ITPK1: variants seen among roughly 807,000 people sequenced by gnomAD.
The protein encoded by ITPK1 is inositol 1,3,4-trisphosphate 5/6-kinase.
In ITPK1, 21 loss-of-function variants were observed where a neutral mutation model predicts 45.3. The ratio of observed to expected loss-of-function variants is 0.46; its 90% CI spans 0.33 to 0.67. The LOEUF (loss-of-function observed/expected upper bound fraction) is 0.67, where lower values mean the gene tolerates loss of function less well. Among genes scored for constraint, ITPK1 ranks in the 30% least tolerant of loss-of-function variants. The pLI is 0.02. For missense variants in ITPK1, 474 were observed against 573.5 expected, an observed-to-expected ratio of 0.83 and a Z score of 1.77; for synonymous variants, 258 against 253.6, an observed-to-expected ratio of 1.02 and a Z score of -0.16.
rs1246285351 is a variant in ITPK1, at chr14:93,014,374, G to C, written c.246+2302C>G. 6.6e-6 allele frequency among the ~76,000 whole-genome samples: 1 copy of C among 152,188 alleles called. No homozygotes were observed. The highest frequency in any genetic ancestry group is 1.5e-5 in the Non-Finnish European group (1 of 68,034). On this transcript the variant is annotated intron_variant, in intron 4 of 10. Transcript: ENST00000267615. The surrounding 1 kb of genome is among the most constrained non-coding windows in gnomAD (Gnocchi z 4.4). The stretch of plus-strand genomic sequence containing the variant: ...TGGGCTGTGGGCTGTGTGTGTGTCT[G>C]GGAAGTGGGCAAGAGGGATAAGAGC...
Position 93,107,070 on chromosome 14 carries a change from GC to G in ITPK1, c.95+7998del, listed in dbSNP as rs565655711. Among the ~76,000 whole-genome samples the G allele has an allele frequency of 2.0e-3, 309 of 152,186 alleles. 3 individuals carry two copies. Among genetic ancestry groups the G allele is most frequent in the African/African-American group, 7.2e-3 (297 of 41,506 alleles). On this transcript the variant is annotated intron_variant, in intron 2 of 10. Coordinates refer to ENST00000267615, the MANE Select transcript of ITPK1 (RefSeq NM_014216.6). ...CCTCCCGAGCTCAAGCAATTCTCCT[GC>G]CTCAGCGTCCCAAGTAGCTGGGATA...
chr14:93,110,422 G>T (rs1424604283), intron 2 of ITPK1, among the ~76,000 whole-genome samples: 1 of 152,200 alleles, frequency 6.6e-6, no homozygotes, highest in East Asian at 1.9e-4. Context: ...CTTCCTCCCT[G>T]CAGAGAATCT....
At chr14:92,992,808 C>T (rs1245350997) in intron 5 of ITPK1, among the ~76,000 whole-genome samples, 2 of 152,354 alleles carry the variant, frequency 1.3e-5, no homozygotes, top group African/African-American at 4.8e-5. Flanking sequence ...TGCTGCGTGA[C>T]GTGGCATGTC....
In ITPK1 at chr14:92,962,836, G is replaced by A; in HGVS notation, c.378C>T (p.Cys126=). 1 of 1,613,058 alleles carries A rather than the reference G, an allele frequency of 6.2e-7. No homozygotes were observed. The highest frequency in any genetic ancestry group is 8.5e-7 in the Non-Finnish European group (1 of 1,179,296). The change falls in exon 6 of 11, where the codon TGC becomes TGT. Residue 126 remains cysteine, a synonymous_variant. Transcript: ENST00000267615. The part of the protein sequence containing the change: ...IEAYMEDDRI[C]SPPFMELTSL... ...TCGTGAGCTCCATGAAGGGTGGCGA[G>A]CAGATCCTGTCGTCTAGGGCAGAAG...
At position 93,014,376 on chromosome 14, in the gene ITPK1, G is replaced by C. The variant is rs1428608129; in HGVS notation, c.246+2300C>G. On this transcript the variant is annotated intron_variant, in intron 4 of 10. Transcript: ENST00000267615. The surrounding 1 kb of genome is among the most constrained non-coding windows in gnomAD (Gnocchi z 4.4). ...GGCTGTGGGCTGTGTGTGTGTCTGG[G>C]AAGTGGGCAAGAGGGATAAGAGCTT... Among the ~76,000 whole-genome samples, 1 of 152,216 alleles carries C rather than the reference G, an allele frequency of 6.6e-6. No homozygotes were observed. The highest frequency in any genetic ancestry group is 2.4e-5 in the African/African-American group (1 of 41,452).
intron 3 of ITPK1, chr14:93,066,144 C>T (rs1428304795): frequency 2.5e-6 from 1 of 397,306 alleles, no homozygotes; most frequent in Admixed American, 3.0e-5. Context: ...GGCCTGGCCA[C>T]ATCCTGTGTA....
intron 3 of ITPK1, among the ~76,000 whole-genome samples, chr14:93,046,902 CATG>C (rs1889802863): frequency 6.6e-6 from 1 of 152,226 alleles, no homozygotes; most frequent in Non-Finnish European, 1.5e-5. Flanking sequence ...ATCTGAGGCC[CATG>C]CTCCAGCCCA....
At chr14:93,023,581 CAAAG>C (rs1297812840) in intron 3 of ITPK1, among the ~76,000 whole-genome samples, 8 of 151,968 alleles carry the variant, frequency 5.3e-5, no homozygotes, top group Admixed American at 3.3e-4. Flanking sequence ...TTTGTTGAAA[CAAAG>C]GAAGGATGGA....
rs1891514394 is a variant in ITPK1 at position 93,083,274 on chromosome 14, G to A, written c.96-6655C>T. 2.6e-5 allele frequency among the ~76,000 whole-genome samples: 4 copies of A among 152,218 alleles called. No homozygotes were observed. In the East Asian group the frequency reaches 7.7e-4, roughly 29 times the overall value. On this transcript the variant is annotated intron_variant, in intron 2 of 10. Coordinates refer to ENST00000267615, the MANE Select transcript of ITPK1 (RefSeq NM_014216.6). ...GCAGGCCTGCCACACAGCACAGCAGGGCACAAAAGGCTCAGGGACCATGAC... is the reference window on the plus strand; with the variant it reads ...GCAGGCCTGCCACACAGCACAGCAGAGCACAAAAGGCTCAGGGACCATGAC...
intron 3 of ITPK1, among the ~76,000 whole-genome samples, chr14:93,041,537 C>T (rs1009922653): frequency 2.0e-5 from 3 of 152,228 alleles, no homozygotes; most frequent in Admixed American, 6.5e-5. Flanking sequence ...GCTCAGAAAC[C>T]GGGCCTCTGC....
intron 5 of ITPK1, among the ~76,000 whole-genome samples, chr14:92,989,352 G>C (rs75346669): frequency 0.067 from 10,220 of 152,112 alleles, 418 homozygotes; most frequent in East Asian, 0.2. Flanking sequence ...AGAAGAACAG[G>C]AGAGCCACCC....
chr14:93,084,648 CCT>C (rs1156790315), intron 2 of ITPK1, among the ~76,000 whole-genome samples: 1 of 152,234 alleles, frequency 6.6e-6, no homozygotes, highest in Non-Finnish European at 1.5e-5. Context: ...CAGCTTGTGC[CCT>C]GTGTCCACAG....
intron 5 of ITPK1, among the ~76,000 whole-genome samples, chr14:92,989,789 G>A (rs929853496): frequency 1.3e-5 from 2 of 152,160 alleles, no homozygotes; most frequent in Non-Finnish European, 1.5e-5. Flanking sequence ...TAGGGGGTGC[G>A]GGTGTGGGGA....
intron 4 of ITPK1, among the ~76,000 whole-genome samples, chr14:93,008,691 G>T (rs1471894379): frequency 6.6e-6 from 1 of 152,238 alleles, no homozygotes; most frequent in Admixed American, 6.5e-5. Context: ...TTTATTACAT[G>T]AAGACAAAGG....
At position 93,080,297 on chromosome 14, in the gene ITPK1, G is replaced by A. The variant is rs75020847; in HGVS notation, c.96-3678C>T. On this transcript the variant is annotated intron_variant, in intron 2 of 10. Coordinates refer to ENST00000267615, the MANE Select transcript of ITPK1 (RefSeq NM_014216.6). ...AAGGGCAAGGGCAGCTGGGGTGGCC[G>A]AGGGACTTCCTTTTCACTGTGTCCC... is the stretch of plus-strand genomic sequence containing the variant. Among the ~76,000 whole-genome samples, 1,327 of 152,322 alleles carry A rather than the reference G, an allele frequency of 8.7e-3. 19 individuals are homozygous for A. Among genetic ancestry groups the A allele is most frequent in the Admixed American group, 0.029 (451 of 15,304 alleles).
intron 4 of ITPK1, among the ~76,000 whole-genome samples, chr14:92,995,788 G>A (rs1306302937): frequency 4.6e-5 from 7 of 152,322 alleles, no homozygotes; most frequent in Non-Finnish European, 8.8e-5. Flanking sequence ...CAAGTCTGCC[G>A]CCCACATGGA....
At chr14:93,109,598 A>G (rs1292973491) in intron 2 of ITPK1, among the ~76,000 whole-genome samples, 1 of 152,236 alleles carries the variant, frequency 6.6e-6, no homozygotes, top group Non-Finnish European at 1.5e-5. Flanking sequence ...AAATACAAGT[A>G]GCATCTTAAC....
At chr14:92,942,458 G>A (rs1462143620) in intron 10 of ITPK1, among the ~76,000 whole-genome samples, 1 of 152,198 alleles carries the variant, frequency 6.6e-6, no homozygotes, top group Non-Finnish European at 1.5e-5. Flanking sequence ...TACTGAGAGA[G>A]GCTGGGATGT....
chr14:93,115,600 C>G (rs967603610), intron 1 of ITPK1, among the ~76,000 whole-genome samples, 172 bp downstream of exon 1: 3 of 148,670 alleles, frequency 2.0e-5, no homozygotes, highest in African/African-American at 2.4e-5. Flanking sequence ...CCGCGCGGGC[C>G]CGAGCCACAC....
Sources: allele counts gnomAD v4.1 joint callset (sites outside exome capture counted in the v4.1 genomes callset), GRCh38; gene constraint gnomAD v4.1.1; non-coding constraint Gnocchi (gnomAD v3.1); transcripts MANE v1.5; gene names NCBI Gene and HGNC (gene_info 2026-07-23, HGNC 2026-07-21).